RASGRP1: variants seen among roughly 807,000 people sequenced by gnomAD.
RASGRP1 encodes RAS guanyl-releasing protein 1.
Under a neutral mutation model 95.1 loss-of-function variants are expected in RASGRP1, and 37 were observed. That is an observed-to-expected ratio of 0.39 (90% CI 0.30 to 0.51). The LOEUF (loss-of-function observed/expected upper bound fraction) is 0.51. Ranked by LOEUF, RASGRP1 falls within the 20% of genes least tolerant of loss-of-function variation. The pLI is 0.80. For missense variants in RASGRP1, 711 were observed against 965.4 expected, an observed-to-expected ratio of 0.74 and a Z score of 3.49; for synonymous variants, 325 against 353.4, an observed-to-expected ratio of 0.92 and a Z score of 0.90.
intron 5 of RASGRP1, 31 bp from the exon 6 acceptor site, chr15:38,516,381 C>T: frequency 6.3e-7 from 1 of 1,593,164 alleles, no homozygotes; most frequent in Non-Finnish European, 8.6e-7. Flanking sequence ...AGGGAGAAGA[C>T]AGGGAAAAGG....
At chr15:38,516,777 A>G (rs960351646) in intron 5 of RASGRP1, among the ~76,000 whole-genome samples, 1 of 152,004 alleles carries the variant, frequency 6.6e-6, no homozygotes, top group Non-Finnish European at 1.5e-5. Context: ...GCAGTGAAAC[A>G]GTTTTCATGC....
intron 3 of RASGRP1, among the ~76,000 whole-genome samples, chr15:38,523,331 G>A (rs1892070478): frequency 6.6e-6 from 1 of 152,138 alleles, no homozygotes; most frequent in Non-Finnish European, 1.5e-5. Context: ...CTAGGCTACT[G>A]TGTATACTTG....
At chr15:38,539,987 G>A (rs1001787566) in intron 2 of RASGRP1, among the ~76,000 whole-genome samples, 3 of 152,092 alleles carry the variant, frequency 2.0e-5, no homozygotes, top group African/African-American at 7.2e-5. Flanking sequence ...TATAATCATG[G>A]CTCACTGCAC....
At chr15:38,508,542 C>T (rs771221185) in intron 8 of RASGRP1, among the ~76,000 whole-genome samples, 1 of 152,176 alleles carries the variant, frequency 6.6e-6, no homozygotes, top group Non-Finnish European at 1.5e-5. Context: ...CTATGAGGTG[C>T]TTGATGGGCC....
intron 2 of RASGRP1, among the ~76,000 whole-genome samples, chr15:38,540,186 C>G (rs985087100): frequency 8.5e-5 from 13 of 152,106 alleles, no homozygotes; most frequent in African/African-American, 2.7e-4. Flanking sequence ...CCTCGGCCGG[C>G]CAAAGTTCTG....
At chr15:38,522,123 A>G (rs1259216870) in intron 3 of RASGRP1, among the ~76,000 whole-genome samples, 1 of 152,220 alleles carries the variant, frequency 6.6e-6, no homozygotes, top group Non-Finnish European at 1.5e-5. Context: ...ACTAAGTTCT[A>G]GATACAAAGA....
intron 8 of RASGRP1, among the ~76,000 whole-genome samples, chr15:38,510,453 C>T (rs1171411964): frequency 6.6e-6 from 1 of 152,174 alleles, no homozygotes; most frequent in Admixed American, 6.5e-5. Flanking sequence ...ATAAAAGACT[C>T]CCCAAAAGGG....
At chr15:38,527,409 T>C (rs1231034694) in intron 2 of RASGRP1, among the ~76,000 whole-genome samples, 1 of 152,212 alleles carries the variant, frequency 6.6e-6, no homozygotes, top group Non-Finnish European at 1.5e-5. Context: ...CCTCCCTTCA[T>C]GGCACCAGCT....
chr15:38,507,598 G>T, intron 9 of RASGRP1, 128 bp downstream of exon 9: 2 of 1,066,776 alleles, frequency 1.9e-6, no homozygotes, highest in Non-Finnish European at 2.7e-6. Flanking sequence ...GCTATATGTT[G>T]GAGATAGTAA....
intron 12 of RASGRP1, 188 bp from the exon 13 acceptor site, chr15:38,501,475 G>T: frequency 1.3e-6 from 1 of 769,936 alleles, no homozygotes; most frequent in South Asian, 1.5e-5. Context: ...GTGGTAAGTA[G>T]GTAAGGCAGC....
At chr15:38,513,422 G>A (rs897026854) in intron 6 of RASGRP1, among the ~76,000 whole-genome samples, 6 of 152,174 alleles carry the variant, frequency 3.9e-5, no homozygotes, top group Admixed American at 2.6e-4. Context: ...ACATAGAATT[G>A]TTATGAAGAT....
chr15:38,500,214 AT>A, intron 13 of RASGRP1, 75 bp from the exon 14 acceptor site: 1 of 1,459,830 alleles, frequency 6.9e-7, no homozygotes. Flanking sequence ...ACATTCCTTT[AT>A]TTTCCTTCAT....
chr15:38,517,889 A>T (rs1891851670), intron 5 of RASGRP1, among the ~76,000 whole-genome samples: 1 of 152,222 alleles, frequency 6.6e-6, no homozygotes, highest in South Asian at 2.1e-4. Context: ...TATATGTTAT[A>T]AGCCTTCTCC....
At chr15:38,510,828 G>A (rs191333810) in intron 8 of RASGRP1, among the ~76,000 whole-genome samples, 2 of 152,160 alleles carry the variant, frequency 1.3e-5, no homozygotes, top group Admixed American at 6.5e-5. Flanking sequence ...GGGCATAATG[G>A]TGTGCACCCA....
chr15:38,501,086 A>C, intron 13 of RASGRP1, 57 bp downstream of exon 13: 1 of 1,509,568 alleles, frequency 6.6e-7, no homozygotes. Context: ...TGCCTGTCTT[A>C]AAGTATCCCA....
At chr15:38,523,400 CAGAA>C (rs907969273) in intron 3 of RASGRP1, among the ~76,000 whole-genome samples, 35 of 152,030 alleles carry the variant, frequency 2.3e-4, no homozygotes, top group Admixed American at 4.6e-4. Flanking sequence ...ATTTTTAAAA[CAGAA>C]AGAAGCTTAC....
intron 16 of RASGRP1, among the ~76,000 whole-genome samples, chr15:38,494,003 T>C (rs748507887): frequency 6.6e-6 from 1 of 152,154 alleles, no homozygotes; most frequent in Non-Finnish European, 1.5e-5. Flanking sequence ...AAAGGAGTGG[T>C]ATCAGCACAG....
chr15:38,501,043 G>A, intron 13 of RASGRP1, 100 bp downstream of exon 13: 1 of 1,345,170 alleles, frequency 7.4e-7, no homozygotes, highest in Non-Finnish European at 1.0e-6. Context: ...TGGGCTCCAA[G>A]CTGGGATGGG....
intron 1 of RASGRP1, 68 bp from the exon 2 acceptor site, chr15:38,560,073 G>A (rs1893744285): frequency 2.2e-6 from 3 of 1,344,912 alleles, no homozygotes; most frequent in Non-Finnish European, 3.1e-6. Flanking sequence ...AGATTGGAGA[G>A]GAAGGGAATG....
Sources: gnomAD v4.1 joint callset for allele counts (sites outside exome capture counted in the v4.1 genomes callset) on GRCh38, gnomAD v4.1.1 for gene constraint, MANE v1.5 for transcripts, NCBI Gene and HGNC (gene_info 2026-07-23, HGNC 2026-07-21) for gene names.